DIP2C: variants seen among roughly 807,000 people sequenced by gnomAD.
The protein encoded by DIP2C is DIP2 acetate--CoA ligase C (putative).
A neutral mutation model predicts 192.4 loss-of-function variants in DIP2C; 33 were observed. The ratio of observed to expected loss-of-function variants is 0.17; its 90% CI spans 0.13 to 0.23. DIP2C has a LOEUF of 0.23. Ranked by LOEUF, DIP2C falls within the 10% of genes least tolerant of loss-of-function variation. The pLI is 1.00. For missense variants in DIP2C, 1,537 were observed against 2,110.1 expected (o/e 0.73, Z 5.32); for synonymous variants, 979 against 864.1 (o/e 1.13, Z -2.33).
intron 4 of DIP2C, among the ~76,000 whole-genome samples, chr10:424,355 G>GTTTTTTTTTTTTTTTTTTT (rs557255878): frequency 1.9e-4 from 16 of 83,122 alleles, no homozygotes; most frequent in African/African-American, 7.2e-4. Context: ...ATCACCTTGG[G>GTTTTTTTTTTTTTTTTTTT]TTTTTTTTTT....
rs1195554154 is a variant in DIP2C, at chr10:472,567, C to T, written c.158-18G>A. On this transcript the variant is annotated intron_variant, in intron 2 of 36. Transcript: ENST00000280886. Reference sequence around the variant, plus strand: ...GTCCACCCCTGGATTTCAATAAAAACAGCAGAGTGAGGTGTGACTGTACTC... The same window carrying T: ...GTCCACCCCTGGATTTCAATAAAAATAGCAGAGTGAGGTGTGACTGTACTC... 6.2e-7 allele frequency: 1 copy of T among 1,604,004 alleles called. No individual in the cohort carries two copies. Among genetic ancestry groups the T allele is most frequent in the Non-Finnish European group, 8.5e-7 (1 of 1,171,798 alleles).
chr10:610,082 C>T (rs1033175446), intron 1 of DIP2C, among the ~76,000 whole-genome samples: 7 of 152,140 alleles, frequency 4.6e-5, no homozygotes, highest in Non-Finnish European at 7.3e-5. Context: ...ACCTGAGTGC[C>T]GGTCAACAGG....
intron 1 of DIP2C, among the ~76,000 whole-genome samples, chr10:566,313 T>TTC (rs1849466040): frequency 6.6e-6 from 1 of 152,182 alleles, no homozygotes; most frequent in Non-Finnish European, 1.5e-5. Context: ...AACATACTTT[T>TTC]TCACGTGACC....
rs1465738467 is a variant in DIP2C at position 329,306 on chromosome 10, G to A, written c.3753+127C>T. 11 of 983,102 alleles carry A rather than the reference G, an allele frequency of 1.1e-5. No individual in the cohort carries two copies. In the Admixed American group the frequency reaches 3.9e-4, roughly 35 times the overall value. 60.9% of individuals were successfully genotyped at this position (983,102 alleles called of 1,614,324 possible). A position where few individuals can be genotyped will look rare whatever the true frequency, so the allele number is the denominator to read the frequency against. ...TAAAGGCAGTTTGTAAGCTTCAGGT[G>A]ACGTTAGATTAAACCCAGGCTTTGT... is the stretch of plus-strand genomic sequence containing the variant. On this transcript the variant is annotated intron_variant, in intron 30 of 36. Coordinates refer to ENST00000280886, the MANE Select transcript of DIP2C (RefSeq NM_014974.3).
intron 3 of DIP2C, among the ~76,000 whole-genome samples, chr10:445,500 GTC>G (rs1473232530): frequency 2.6e-5 from 4 of 150,954 alleles, no homozygotes; most frequent in Admixed American, 6.6e-5. Context: ...GTTGTGAAGA[GTC>G]TATCTTGCAC....
At chr10:424,030 T>G (rs948175488) in intron 4 of DIP2C, among the ~76,000 whole-genome samples, 1 of 152,214 alleles carries the variant, frequency 6.6e-6, no homozygotes, top group South Asian at 2.1e-4. Context: ...TAATAACTTT[T>G]CATGCAGTAC....
At chr10:615,713 CAACACAGA>C (rs1364372990) in intron 1 of DIP2C, among the ~76,000 whole-genome samples, 1 of 152,166 alleles carries the variant, frequency 6.6e-6, no homozygotes, top group Non-Finnish European at 1.5e-5. Flanking sequence ...TCATCCATGG[CAACACAGA>C]AACCCACTTG....
intron 1 of DIP2C, among the ~76,000 whole-genome samples, chr10:684,324 C>T (rs961444378): frequency 3.3e-5 from 5 of 152,300 alleles, no homozygotes; most frequent in South Asian, 2.1e-4. Flanking sequence ...ATATCTGTGA[C>T]GACTTGATAC....
At chr10:364,217 A>C (rs944444814) in intron 20 of DIP2C, among the ~76,000 whole-genome samples, 157 bp downstream of exon 20, 1 of 152,232 alleles carries the variant, frequency 6.6e-6, no homozygotes, top group African/African-American at 2.4e-5. Flanking sequence ...AACTGGATTA[A>C]ATCTCAGAGG....
intron 1 of DIP2C, among the ~76,000 whole-genome samples, chr10:613,141 T>C (rs1853216402): frequency 6.6e-6 from 1 of 152,240 alleles, no homozygotes; most frequent in Non-Finnish European, 1.5e-5. Context: ...CAGTCACTCA[T>C]TTCAGGGGAA....
intron 6 of DIP2C, among the ~76,000 whole-genome samples, 186 bp from the exon 7 acceptor site, chr10:416,074 C>G (rs562326795): frequency 4.2e-4 from 63 of 151,654 alleles, no homozygotes; most frequent in Middle Eastern, 3.4e-3. Context: ...GGAGACCGGA[C>G]AGAGATACAT....
At position 363,238 on chromosome 10, in the gene DIP2C, T is replaced by C; in HGVS notation, c.2551A>G (p.Thr851Ala). The C allele has an allele frequency of 6.2e-7, 1 of 1,613,648 alleles. No homozygotes were observed. Among genetic ancestry groups the C allele is most frequent in the Non-Finnish European group, 8.5e-7 (1 of 1,179,996 alleles). Residue 851 changes from threonine (T) to alanine (A), a missense_variant, in exon 21 of 37, where the codon ACG becomes GCG. Physicochemically the swap from Thr to Ala is moderately conservative, Grantham distance 58. Transcript: ENST00000280886. The surrounding 1 kb of genome is among the most constrained non-coding windows in gnomAD (Gnocchi z 5.4). ...VIVAEQRPDS[T>A]EEDSFQWMSR... is the part of the protein sequence containing the mutation. Reference sequence around the variant, plus strand: ...ATCCACTGGAAACTGTCCTCTTCCGTGGAGTCAGGCCTCTGCTCAGCCACG... The same window carrying C: ...ATCCACTGGAAACTGTCCTCTTCCGCGGAGTCAGGCCTCTGCTCAGCCACG...
intron 32 of DIP2C, among the ~76,000 whole-genome samples, chr10:301,912 A>C (rs1202746739): frequency 6.6e-6 from 1 of 152,174 alleles, no homozygotes; most frequent in Non-Finnish European, 1.5e-5. Context: ...CACAAGTGAC[A>C]TGGTGTGAAA....
At chr10:515,392 T>C (rs1203801794) in intron 1 of DIP2C, among the ~76,000 whole-genome samples, 1 of 152,134 alleles carries the variant, frequency 6.6e-6, no homozygotes, top group East Asian at 1.9e-4. Context: ...TTTTCAAACA[T>C]AGACTGGCTT....
At chr10:577,513 C>T (rs1850245762) in intron 1 of DIP2C, among the ~76,000 whole-genome samples, 1 of 152,164 alleles carries the variant, frequency 6.6e-6, no homozygotes, top group African/African-American at 2.4e-5. Flanking sequence ...CCTCGTATTC[C>T]TATTTAAACC....
At chr10:567,526 G>C (rs780625600) in intron 1 of DIP2C, among the ~76,000 whole-genome samples, 11 of 152,048 alleles carry the variant, frequency 7.2e-5, no homozygotes, top group Non-Finnish European at 1.3e-4. Flanking sequence ...TAATTAACTG[G>C]GCTGTTGATT....
At chr10:605,053 A>G (rs1301887762) in intron 1 of DIP2C, among the ~76,000 whole-genome samples, 1 of 152,230 alleles carries the variant, frequency 6.6e-6, no homozygotes, top group African/African-American at 2.4e-5. Context: ...GACCACTGCA[A>G]CCTTGGAGTT....
chr10:450,661 C>T (rs1968776487), intron 3 of DIP2C, among the ~76,000 whole-genome samples: 1 of 152,198 alleles, frequency 6.6e-6, no homozygotes, highest in Non-Finnish European at 1.5e-5. Context: ...GCACCTGGGT[C>T]TGTGACCCAC....
chr10:585,644 G>A (rs564890939), intron 1 of DIP2C, among the ~76,000 whole-genome samples: 2 of 152,194 alleles, frequency 1.3e-5, no homozygotes, highest in African/African-American at 2.4e-5. Context: ...CAGGAACACC[G>A]GCGTCCTGCA....
Sources: allele counts gnomAD v4.1 joint callset (sites outside exome capture counted in the v4.1 genomes callset), GRCh38; gene constraint gnomAD v4.1.1; non-coding constraint Gnocchi (gnomAD v3.1); transcripts MANE v1.5; gene names NCBI Gene and HGNC (gene_info 2026-07-23, HGNC 2026-07-21).